The following KCNN2 variants were observed in gnomAD, a reference collection of about 807,000 sequenced individuals.
KCNN2 encodes potassium calcium-activated channel subfamily N member 2, also known as small conductance calcium-activated potassium channel protein 2.
KCNN2 carries 24 observed loss-of-function variants against 55.5 expected under a neutral mutation model. The ratio of observed to expected loss-of-function variants is 0.43; its 90% CI spans 0.31 to 0.61. The LOEUF (loss-of-function observed/expected upper bound fraction) is 0.61, where lower values mean the gene tolerates loss of function less well. Among genes scored for constraint, KCNN2 ranks in the 20% least tolerant of loss-of-function variants. KCNN2 has a pLI of 0.08. For synonymous variants in KCNN2, 431 were observed against 336.1 expected (o/e 1.28, Z -3.09); for missense variants, 754 against 853.6 (o/e 0.88, Z 1.45).
intron 1 of KCNN2, among the ~76,000 whole-genome samples, chr5:114,151,854 A>G (rs556974923): frequency 1.2e-4 from 19 of 152,230 alleles, no homozygotes; most frequent in Middle Eastern, 3.4e-3. Context: ...TCTTTATCAC[A>G]TTTTTCAATG....
chr5:114,464,695 A>T (rs1761358607), intron 4 of KCNN2, among the ~76,000 whole-genome samples: 1 of 152,222 alleles, frequency 6.6e-6, no homozygotes, highest in Admixed American at 6.5e-5. Context: ...TTAATGTCCC[A>T]GTAGTAACAA....
chr5:114,074,327 T>TGCGC (rs1265315282), intron 1 of KCNN2, among the ~76,000 whole-genome samples: 1 of 133,338 alleles, frequency 7.5e-6, no homozygotes, highest in African/African-American at 2.9e-5. Flanking sequence ...TGTGTGTGTG[T>TGCGC]GTGCGCGCGC....
intron 1 of KCNN2, among the ~76,000 whole-genome samples, chr5:114,120,354 A>G (rs1349192252): frequency 6.6e-6 from 1 of 152,076 alleles, no homozygotes; most frequent in Non-Finnish European, 1.5e-5. Flanking sequence ...ACAGCTGCCA[A>G]TTTGTTTATC....
At chr5:114,120,197 A>C (rs1455041474) in intron 1 of KCNN2, among the ~76,000 whole-genome samples, 1 of 152,120 alleles carries the variant, frequency 6.6e-6, no homozygotes, top group Non-Finnish European at 1.5e-5. Flanking sequence ...TTTCATGTGA[A>C]AAATGTGCTT....
rs191446464 is a variant in KCNN2 at position 114,138,661 on chromosome 5, G to A, written c.-271+82161G>A. Among the ~76,000 whole-genome samples the A allele has an allele frequency of 7.9e-4, 120 of 152,228 alleles. 1 individual carries two copies. The highest frequency in any genetic ancestry group is 1.9e-4 in the Non-Finnish European group (13 of 67,998). On this transcript the variant is annotated intron_variant, in intron 1 of 10. Transcript: ENST00000512097. ...TAAGCCACCTCCCTTTAGGGCAGGG[G>A]TTCTCTCATACCTGAATGAGAAACT... is the stretch of plus-strand genomic sequence containing the variant.
At chr5:114,435,505 A>C (rs938896438) in intron 3 of KCNN2, among the ~76,000 whole-genome samples, 1 of 152,236 alleles carries the variant, frequency 6.6e-6, no homozygotes, top group South Asian at 2.1e-4. Flanking sequence ...ATAGTATTCT[A>C]TCAGGTGGAT....
chr5:114,413,714 TC>T (rs2150076263), intron 3 of KCNN2, among the ~76,000 whole-genome samples: 1 of 152,264 alleles, frequency 6.6e-6, no homozygotes, highest in African/African-American at 2.4e-5. Context: ...ACTGTTAAAT[TC>T]ACGTAGAAAA....
chr5:114,289,198 G>A lies in KCNN2; in HGVS notation c.-185+67633G>A, dbSNP rs576347001. Among the ~76,000 whole-genome samples the A allele has an allele frequency of 2.6e-5, 4 of 152,106 alleles. No homozygotes were observed. In the East Asian group the frequency reaches 7.7e-4, roughly 29 times the overall value. ...CTGAACTCTTAGTTCTGTTTCACTGGTCTGTATGTTTATCCTTATGCCAGT... is the reference window on the plus strand; with the variant it reads ...CTGAACTCTTAGTTCTGTTTCACTGATCTGTATGTTTATCCTTATGCCAGT... On this transcript the variant is annotated intron_variant, in intron 2 of 10. Transcript: ENST00000512097.
chr5:114,159,921 T>C (rs1475035828), intron 1 of KCNN2, among the ~76,000 whole-genome samples: 6 of 152,206 alleles, frequency 3.9e-5, no homozygotes, highest in Non-Finnish European at 8.8e-5. Flanking sequence ...TTGCTAGTGG[T>C]CTATCAATTT....
rs535370842 is a variant in KCNN2, at chr5:114,095,732, C to T, written c.-271+39232C>T. Among the ~76,000 whole-genome samples the T allele has an allele frequency of 6.2e-4, 94 of 152,222 alleles. 1 individual carries two copies. Among genetic ancestry groups the T allele is most frequent in the African/African-American group, 2.1e-3 (88 of 41,548 alleles). On this transcript the variant is annotated intron_variant, in intron 1 of 10. Transcript: ENST00000512097. ...TTGGCCTACCTAACTCCTTTTAGCT[C>T]GTCTTTCCTAGGATGGGACTCCTCT... is the stretch of plus-strand genomic sequence containing the variant.
intron 2 of KCNN2, among the ~76,000 whole-genome samples, chr5:114,329,961 C>T (rs1236928085): frequency 7.9e-5 from 12 of 152,212 alleles, no homozygotes; most frequent in African/African-American, 2.6e-4. Context: ...AACCCTGAGC[C>T]CCCAGGAGAG....
chr5:114,474,955 T>G (rs1761903917), intron 5 of KCNN2, among the ~76,000 whole-genome samples: 1 of 152,134 alleles, frequency 6.6e-6, no homozygotes, highest in Non-Finnish European at 1.5e-5. Flanking sequence ...GGCAGACTTC[T>G]CCATGTTTCA....
In KCNN2 at chr5:114,253,132, C is replaced by CTTTTT. The variant is rs35260445; in HGVS notation, c.-185+31576_-185+31580dup. On this transcript the variant is annotated intron_variant, in intron 2 of 10. Coordinates refer to the KCNN2 transcript ENST00000512097. ...AGAGGTTTCTTTTTTTTCTTGCTTT[C>CTTTTT]TTTTTTTTTTTTTCCTGCCCTGAGC... Among the ~76,000 whole-genome samples the CTTTTT allele has an allele frequency of 4.9e-3, 694 of 140,422 alleles. 5 individuals carry two copies. Among genetic ancestry groups the CTTTTT allele is most frequent in the Middle Eastern group, 0.014 (4 of 276 alleles). The allele number at this position is 140,422 out of a possible 152,430, so 92.1% of individuals were successfully genotyped here.
At chr5:114,101,949 A>T (rs1433684065) in intron 1 of KCNN2, among the ~76,000 whole-genome samples, 1 of 152,196 alleles carries the variant, frequency 6.6e-6, no homozygotes, top group Non-Finnish European at 1.5e-5. Flanking sequence ...GGATATACCC[A>T]GTAATGGGAT....
At position 114,092,354 on chromosome 5, in the gene KCNN2, A is replaced by T. The variant is rs1751162960; in HGVS notation, c.-271+35854A>T. Among the ~76,000 whole-genome samples, 3 of 152,172 alleles carry T rather than the reference A, an allele frequency of 2.0e-5. No homozygotes were observed. In the South Asian group the frequency reaches 6.2e-4, roughly 32 times the overall value. ...GAGGTGGGCTCCCATGGCCTTGGGC[A>T]GCTCAGCCCCTGTGGCTCTGAAGGG... On this transcript the variant is annotated intron_variant, in intron 1 of 10. Transcript: ENST00000512097.
intron 3 of KCNN2, among the ~76,000 whole-genome samples, chr5:114,450,663 A>G (rs532684022): frequency 5.9e-5 from 9 of 152,280 alleles, no homozygotes; most frequent in African/African-American, 1.9e-4. Flanking sequence ...TCTGATGGCC[A>G]TTACTAGAGT....
chr5:114,359,553 T>C (rs1757365282), upstream of KCNN2, among the ~76,000 whole-genome samples: 1 of 152,202 alleles, frequency 6.6e-6, no homozygotes, highest in Non-Finnish European at 1.5e-5. Flanking sequence ...ATGCAGCCAT[T>C]ATTTTTCTTA....
chr5:114,298,579 A>C (rs1313383901), intron 2 of KCNN2, among the ~76,000 whole-genome samples: 1 of 152,242 alleles, frequency 6.6e-6, no homozygotes, highest in East Asian at 1.9e-4. Context: ...CAGGATCCAA[A>C]ATTAGGATAT....
At position 114,373,587 on chromosome 5, in the gene KCNN2, T is replaced by A. The variant is rs1757828965; in HGVS notation, c.1218+9586T>A. 1.4e-5 allele frequency among the ~76,000 whole-genome samples: 2 copies of A among 138,328 alleles called. 1 individual carries two copies. The highest frequency in any genetic ancestry group is 4.8e-4 in the South Asian group (2 of 4,146). The allele number at this position is 138,328 out of a possible 152,430, so 90.7% of individuals were successfully genotyped here. On this transcript the variant is annotated intron_variant, in intron 2 of 7. Transcript: ENST00000673685. ...ATCTCTCTGAACTTCAATTTTCTTG[T>A]CTGTAAAATGGGGAATATAGAGTAC...
Sources: allele counts gnomAD v4.1 joint callset (sites outside exome capture counted in the v4.1 genomes callset), GRCh38; gene constraint gnomAD v4.1.1; transcripts MANE v1.5; gene names NCBI Gene and HGNC (gene_info 2026-07-23, HGNC 2026-07-21).